MNS1: variants seen among roughly 807,000 people sequenced by gnomAD.
MNS1 encodes meiosis-specific nuclear structural protein 1.
In MNS1, 63 loss-of-function variants were observed where a neutral mutation model predicts 72.0. The observed-to-expected ratio is 0.87, with a 90% CI of 0.71 to 1.08. The LOEUF (loss-of-function observed/expected upper bound fraction) is 1.08, where lower values mean the gene tolerates loss of function less well. Among genes scored for constraint, MNS1 ranks in the 50% least tolerant of loss-of-function variants. MNS1 has a pLI of 0.00. For missense variants in MNS1, 604 were observed against 562.4 expected (o/e 1.07, Z -0.75); for synonymous variants, 188 against 172.1 (o/e 1.09, Z -0.72).
intron 8 of MNS1, among the ~76,000 whole-genome samples, chr15:56,433,459 T>C (rs1269136606): frequency 6.6e-6 from 1 of 152,084 alleles, no homozygotes; most frequent in Non-Finnish European, 1.5e-5. Flanking sequence ...AATGACAGTA[T>C]TATTTATTAG....
At chr15:56,448,014 T>A (rs2050920506) in intron 3 of MNS1, among the ~76,000 whole-genome samples, 2 of 152,228 alleles carry the variant, frequency 1.3e-5, no homozygotes, top group Non-Finnish European at 2.9e-5. Flanking sequence ...TTTAAGATTA[T>A]AGATATCCAC....
intron 8 of MNS1, among the ~76,000 whole-genome samples, chr15:56,432,817 T>A (rs2050633171): frequency 6.6e-6 from 1 of 152,166 alleles, no homozygotes; most frequent in African/African-American, 2.4e-5. Flanking sequence ...TTTCTCATAT[T>A]TGAAACATCT....
chr15:56,433,957 C>T (rs1326315093), intron 8 of MNS1, among the ~76,000 whole-genome samples, 181 bp downstream of exon 8: 1 of 152,006 alleles, frequency 6.6e-6, no homozygotes, highest in African/African-American at 2.4e-5. Flanking sequence ...GTGTTTAGCA[C>T]ATAGAAAGCA....
chr15:56,452,261 A>G (rs1208251940), intron 3 of MNS1, among the ~76,000 whole-genome samples: 2 of 152,172 alleles, frequency 1.3e-5, no homozygotes, highest in East Asian at 3.9e-4. Context: ...AAAAAGGCAC[A>G]TGGGTGAAAT....
chr15:56,442,793 C>T (rs533632486), intron 7 of MNS1, among the ~76,000 whole-genome samples: 1 of 152,064 alleles, frequency 6.6e-6, no homozygotes, highest in East Asian at 1.9e-4. Context: ...GTACTATGCT[C>T]ATTACTTGGG....
intron 2 of MNS1, chr15:56,463,780 C>CAA (rs769290574): frequency 1.8e-3 from 637 of 347,872 alleles, no homozygotes; most frequent in Middle Eastern, 4.5e-3. Context: ...AGACTCCATC[C>CAA]AAAAAAAAAA....
intron 2 of MNS1, among the ~76,000 whole-genome samples, chr15:56,460,411 C>T (rs1382117793): frequency 2.0e-5 from 3 of 152,100 alleles, no homozygotes; most frequent in Non-Finnish European, 4.4e-5. Context: ...AGGCTAAAAA[C>T]TAAGGATACA....
At chr15:56,436,388 A>G (rs2140336917) in intron 7 of MNS1, among the ~76,000 whole-genome samples, 1 of 152,296 alleles carries the variant, frequency 6.6e-6, no homozygotes, top group Admixed American at 6.5e-5. Flanking sequence ...GGCAGAAATA[A>G]AGATGTTCTT....
chr15:56,457,585 G>A (rs1453081627), intron 2 of MNS1, among the ~76,000 whole-genome samples: 1 of 152,168 alleles, frequency 6.6e-6, no homozygotes, highest in South Asian at 2.1e-4. Context: ...CACTTTGGGA[G>A]GCTAAGGTGG....
chr15:56,451,854 C>T (rs1397133590), intron 3 of MNS1, among the ~76,000 whole-genome samples: 8 of 152,074 alleles, frequency 5.3e-5, no homozygotes, highest in African/African-American at 1.9e-4. Flanking sequence ...TTTTTAAATA[C>T]CTAAGCATAT....
chr15:56,440,115 A>G (rs1596259143), intron 7 of MNS1, among the ~76,000 whole-genome samples: 1 of 152,176 alleles, frequency 6.6e-6, no homozygotes, highest in South Asian at 2.1e-4. Flanking sequence ...ATGAAGAACT[A>G]TTTCATCAAA....
In MNS1 at chr15:56,429,103, A is replaced by G. The variant is rs765477774; in HGVS notation, c.1486T>C (p.Ter496ArgextTer16). The stretch of plus-strand genomic sequence containing the variant: ...TGCTTTACCCAATTTTGATGATATC[A>G]TTTCTCTTCACAAATTTCACTCCTT... Reference protein sequence around the residue: ...QQRSEICEEK* With the variant: ...QQRSEICEEKR The change falls in exon 10 of 10, where the codon TGA (stop) becomes CGA (arginine). Residue 496 changes from the stop codon to arginine (R), a stop_lost. Transcript: ENST00000260453. The G allele has an allele frequency of 6.3e-6, 10 of 1,580,570 alleles. No individual in the cohort carries two copies. In the South Asian group the frequency reaches 1.0e-4, roughly 16 times the overall value.
chr15:56,430,766 T>TC (rs2050567798), intron 9 of MNS1, among the ~76,000 whole-genome samples: 1 of 152,184 alleles, frequency 6.6e-6, no homozygotes, highest in Non-Finnish European at 1.5e-5. Flanking sequence ...TTACTGGTGT[T>TC]ACCAGTGACA....
intron 3 of MNS1, among the ~76,000 whole-genome samples, chr15:56,452,260 C>T (rs182664724): frequency 6.6e-6 from 1 of 152,228 alleles, no homozygotes; most frequent in Admixed American, 6.5e-5. Flanking sequence ...GAAAAAGGCA[C>T]ATGGGTGAAA....
chr15:56,433,430 A>AATATT (rs1567147042), intron 8 of MNS1, among the ~76,000 whole-genome samples: 5 of 139,258 alleles, frequency 3.6e-5, no homozygotes, highest in Non-Finnish European at 7.9e-5. Context: ...AAATATTAAA[A>AATATT]AAATAATTAA....
chr15:56,461,975 GTTTTTTTTTTTTTTTT>G (rs56022687), intron 2 of MNS1, among the ~76,000 whole-genome samples: 1 of 97,916 alleles, frequency 1.0e-5, no homozygotes, highest in African/African-American at 3.8e-5. Flanking sequence ...TTTTGTTGTT[GTTTTTTTTTTTTTTTT>G]TTTTTTTTTT....
intron 7 of MNS1, among the ~76,000 whole-genome samples, chr15:56,441,736 C>T (rs1289978988): frequency 6.6e-6 from 1 of 152,136 alleles, no homozygotes; most frequent in African/African-American, 2.4e-5. Flanking sequence ...ATAGACTGGC[C>T]AGGCACGGTG....
rs371046755 is a variant in MNS1 at position 56,446,922 on chromosome 15, C to A, written c.375G>T (p.Glu125Asp). The stretch of plus-strand genomic sequence containing the variant: ...TCATGTAAGCTGCTTTTAATTTCTT[C>A]TCCAATTCTCTAAGCTCAATGCTGT... ...RENSIELREL[E>D]KKLKAAYMNK... The change falls in exon 4 of 10, where the codon GAG (glutamate) becomes GAT (aspartate). Residue 125 changes from glutamate to aspartate, a missense_variant. Physicochemically the swap from Glu to Asp is conservative, Grantham distance 45 (BLOSUM62 2). Transcript: ENST00000260453. The A allele has an allele frequency of 4.0e-5, 65 of 1,608,464 alleles. No individual in the cohort carries two copies. The highest frequency in any genetic ancestry group is 1.6e-4 in the Middle Eastern group (1 of 6,074).
intron 4 of MNS1, chr15:56,445,527 C>A (rs2050892267): frequency 6.6e-6 from 1 of 151,984 alleles, no homozygotes; most frequent in South Asian, 2.1e-4. Flanking sequence ...AACATATACT[C>A]TGATAATATG....
Sources: gnomAD v4.1 joint callset for allele counts (sites outside exome capture counted in the v4.1 genomes callset) on GRCh38, gnomAD v4.1.1 for gene constraint, MANE v1.5 for transcripts, NCBI Gene and HGNC (gene_info 2026-07-23, HGNC 2026-07-21) for gene names.